Variants in FOXN2 observed in about 807,000 individuals in gnomAD.
FOXN2 encodes the protein forkhead box protein N2.
A neutral mutation model predicts 41.2 loss-of-function variants in FOXN2; 19 were observed. The observed-to-expected ratio is 0.46, with a 90% CI of 0.32 to 0.68. The LOEUF is 0.68. Among genes scored for constraint, FOXN2 ranks in the 30% least tolerant of loss-of-function variants. The pLI, the probability that FOXN2 is intolerant of heterozygous loss-of-function variation, is 0.03. For missense variants in FOXN2, 587 were observed against 509.4 expected (o/e 1.15, Z -1.47); for synonymous variants, 195 against 176.8 (o/e 1.10, Z -0.82).
At chr2:48,350,456 A>G (rs1229215094) in intron 3 of FOXN2, among the ~76,000 whole-genome samples, 1 of 152,206 alleles carries the variant, frequency 6.6e-6, no homozygotes, top group Non-Finnish European at 1.5e-5. Context: ...CTTCTCTTTT[A>G]GCAACAGCCA....
chr2:48,359,239 G>A (rs1225067893), intron 4 of FOXN2, 92 bp downstream of exon 4: 1 of 861,994 alleles, frequency 1.2e-6, no homozygotes, highest in Non-Finnish European at 1.8e-6. Flanking sequence ...TTATGTTTCT[G>A]TTTTATTGTA....
intron 1 of FOXN2, among the ~76,000 whole-genome samples, chr2:48,327,768 A>G (rs948353388): frequency 6.6e-6 from 1 of 152,240 alleles, no homozygotes; most frequent in Non-Finnish European, 1.5e-5. Flanking sequence ...AATAACATTA[A>G]TATCTTTAAT....
Position 48,374,839 on chromosome 2 carries a change from G to A in FOXN2, c.773-81G>A. On this transcript the variant is annotated intron_variant, in intron 6 of 6. Transcript: ENST00000340553. ...TGAATCTAAAACATTTGTTGCTCAA[G>A]AGTAATGTAGTAGTTTAAAATTGGT... 6 of 1,163,146 alleles carry A rather than the reference G, an allele frequency of 5.2e-6. No individual in the cohort carries two copies. The South Asian group carries it at 8.1e-5, about 16-fold the overall frequency. 72.1% of individuals were successfully genotyped at this position (1,163,146 alleles called of 1,614,324 possible).
At chr2:48,352,026 T>C (rs566167535) in intron 3 of FOXN2, among the ~76,000 whole-genome samples, 8 of 150,802 alleles carry the variant, frequency 5.3e-5, no homozygotes, top group Admixed American at 5.3e-4. Context: ...AGAAGTGTGA[T>C]GAATATCATG....
intron 3 of FOXN2, among the ~76,000 whole-genome samples, chr2:48,354,854 G>A (rs1304331042): frequency 2.6e-5 from 4 of 152,192 alleles, no homozygotes; most frequent in African/African-American, 9.7e-5. Context: ...TACTAGTAAT[G>A]TGTGTGAGGG....
chr2:48,375,457 G>A lies in FOXN2; in HGVS notation c.*14G>A. 1.9e-6 allele frequency: 3 copies of A among 1,585,880 alleles called. No homozygotes were observed. Among genetic ancestry groups the A allele is most frequent in the Non-Finnish European group, 2.6e-6 (3 of 1,167,434 alleles). ...CGGAAAAAATAGAAATACTTAAAGT[G>A]TGGCAATACTCTTTCACTTAATTCT... On this transcript the variant is annotated 3_prime_UTR_variant, in exon 7 of 7. Transcript: ENST00000340553.
intron 2 of FOXN2, among the ~76,000 whole-genome samples, chr2:48,331,992 A>G (rs924230659): frequency 6.6e-6 from 1 of 152,124 alleles, no homozygotes; most frequent in South Asian, 2.1e-4. Flanking sequence ...GCATTTGTTA[A>G]AAGTATTATC....
At chr2:48,345,510 G>C (rs2104367156) in intron 2 of FOXN2, among the ~76,000 whole-genome samples, 2 of 152,200 alleles carry the variant, frequency 1.3e-5, no homozygotes, top group Admixed American at 1.3e-4. Flanking sequence ...ACCACAAAGA[G>C]AGATAGGTAT....
intron 3 of FOXN2, among the ~76,000 whole-genome samples, chr2:48,347,533 T>TTGTGTG (rs113177559): frequency 0.1 from 14,820 of 148,028 alleles, 1,020 homozygotes; most frequent in East Asian, 0.41. Context: ...AGCCGAGGTG[T>TTGTGTG]TGTGTGTGTG....
At chr2:48,326,863 A>G (rs900957683) in intron 1 of FOXN2, among the ~76,000 whole-genome samples, 1 of 152,208 alleles carries the variant, frequency 6.6e-6, no homozygotes, top group Non-Finnish European at 1.5e-5. Flanking sequence ...GTATCTCATC[A>G]TGTATATACA....
At position 48,318,876 on chromosome 2, in the gene FOXN2, TAATA is replaced by T. The variant is rs1669106583; in HGVS notation, c.-157+4069_-157+4072del. On this transcript the variant is annotated intron_variant, in intron 1 of 6. Transcript: ENST00000340553. The stretch of plus-strand genomic sequence containing the variant: ...ATTACTGAAGCCCTGAAAGGCTAAA[TAATA>T]AATAAAAGCTTGAGTAAACATTTAG... 2.0e-5 allele frequency among the ~76,000 whole-genome samples: 3 copies of T among 152,196 alleles called. No homozygotes were observed. In the South Asian group the frequency reaches 6.2e-4, roughly 31 times the overall value.
chr2:48,328,817 A>T (rs1363768885), intron 2 of FOXN2, 115 bp downstream of exon 2: 1 of 152,046 alleles, frequency 6.6e-6, no homozygotes, highest in African/African-American at 2.4e-5. Flanking sequence ...GCAATCCTTA[A>T]GTTTAAGTAG....
At chr2:48,316,219 G>A (rs184843715) in intron 1 of FOXN2, among the ~76,000 whole-genome samples, 116 of 152,160 alleles carry the variant, frequency 7.6e-4, no homozygotes, top group African/African-American at 2.7e-3. Flanking sequence ...GTTCTCCTAA[G>A]GTGTATACCG....
At chr2:48,339,842 T>A (rs554027520) in intron 2 of FOXN2, among the ~76,000 whole-genome samples, 1 of 152,350 alleles carries the variant, frequency 6.6e-6, no homozygotes, top group African/African-American at 2.4e-5. Context: ...TCTATAACAG[T>A]AGTACTTGTA....
At chr2:48,370,001 C>CA (rs1468904883) in intron 5 of FOXN2, among the ~76,000 whole-genome samples, 1 of 145,324 alleles carries the variant, frequency 6.9e-6, no homozygotes, top group Admixed American at 6.9e-5. Flanking sequence ...CCTTGTATCT[C>CA]AAAAAAAGAA....
chr2:48,337,474 G>A (rs1427305821), intron 2 of FOXN2, among the ~76,000 whole-genome samples: 1 of 151,460 alleles, frequency 6.6e-6, no homozygotes, highest in Non-Finnish European at 1.5e-5. Context: ...AATTTTTGTG[G>A]GGTTTTTTTT....
intron 2 of FOXN2, among the ~76,000 whole-genome samples, chr2:48,329,656 A>G (rs1465955230): frequency 1.3e-5 from 2 of 152,166 alleles, no homozygotes; most frequent in African/African-American, 4.8e-5. Flanking sequence ...ACATGACATC[A>G]TGTAGCATTA....
chr2:48,374,826 A>G (rs143064083), intron 6 of FOXN2, 94 bp from the exon 7 acceptor site: 41 of 1,032,352 alleles, frequency 4.0e-5, no homozygotes, highest in Non-Finnish European at 5.1e-5. Context: ...AATCTAAAAC[A>G]TTTGTTGCTC....
At chr2:48,345,634 A>T (rs1671049179) in intron 2 of FOXN2, among the ~76,000 whole-genome samples, 1 of 152,190 alleles carries the variant, frequency 6.6e-6, no homozygotes, top group South Asian at 2.1e-4. Flanking sequence ...GTCGATTCAA[A>T]ATAAATAATG....
Sources: gnomAD v4.1 joint callset for allele counts (sites outside exome capture counted in the v4.1 genomes callset) on GRCh38, gnomAD v4.1.1 for gene constraint, MANE v1.5 for transcripts, NCBI Gene and HGNC (gene_info 2026-07-23, HGNC 2026-07-21) for gene names.